CHRNA3: variants seen among roughly 807,000 people sequenced by gnomAD.
The protein encoded by CHRNA3 is cholinergic receptor nicotinic alpha 3 subunit, also known as neuronal acetylcholine receptor subunit alpha-3.
CHRNA3 carries 34 observed loss-of-function variants against 41.9 expected under a neutral mutation model. The ratio of observed to expected loss-of-function variants is 0.81; its 90% CI spans 0.62 to 1.08. CHRNA3 has a LOEUF of 1.08. Among genes scored for constraint, CHRNA3 ranks in the 50% least tolerant of loss-of-function variants. The pLI, the probability that CHRNA3 is intolerant of heterozygous loss-of-function variation, is 0.00. For missense variants in CHRNA3, 542 were observed against 638.3 expected, an observed-to-expected ratio of 0.85 and a Z score of 1.63; for synonymous variants, 281 against 265.2, an observed-to-expected ratio of 1.06 and a Z score of -0.58.
chr15:78,618,473 G>A, intron 3 of CHRNA3, 144 bp downstream of exon 3: 1 of 876,912 alleles, frequency 1.1e-6, no homozygotes, highest in Non-Finnish European at 1.8e-6. Context: ...AGCCTTAGAA[G>A]AGATATATCT....
chr15:78,595,959 C>T lies in CHRNA3; in HGVS notation c.*645G>A. Reference sequence around the variant, plus strand: ...GGTGCCTTGACCTTGGACCTCCCAACCTCCAAAACTGAGAAGTTTCTGTTG... The same window carrying T: ...GGTGCCTTGACCTTGGACCTCCCAATCTCCAAAACTGAGAAGTTTCTGTTG... On this transcript the variant is annotated 3_prime_UTR_variant, in exon 6 of 6. Coordinates refer to ENST00000326828, the MANE Select transcript of CHRNA3 (RefSeq NM_000743.5). The T allele has an allele frequency of 1.3e-6, 1 of 784,338 alleles. No individual in the cohort carries two copies. Among genetic ancestry groups the T allele is most frequent in the Non-Finnish European group, 1.5e-6 (1 of 647,538 alleles). 48.6% of individuals were successfully genotyped at this position (784,338 alleles called of 1,614,324 possible).
chr15:78,599,797 C>T (rs80194307), intron 5 of CHRNA3: 1 of 48,666 alleles, frequency 2.1e-5, no homozygotes, highest in African/African-American at 8.9e-5. Context: ...GGGCAGATCA[C>T]CTGAGGTCGG....
At chr15:78,605,680 C>T (rs887909949) in intron 4 of CHRNA3, among the ~76,000 whole-genome samples, 40 of 152,142 alleles carry the variant, frequency 2.6e-4, no homozygotes, top group Admixed American at 1.3e-4. Flanking sequence ...TCAGAAATGC[C>T]TCCCAAAACC....
At chr15:78,611,046 C>T (rs2053372234) in intron 4 of CHRNA3, among the ~76,000 whole-genome samples, 1 of 151,966 alleles carries the variant, frequency 6.6e-6, no homozygotes, top group South Asian at 2.1e-4. Context: ...CTGAATAGAC[C>T]AATAACAGGA....
At position 78,615,141 on chromosome 15, in the gene CHRNA3, C is replaced by T. The variant is rs540916470; in HGVS notation, c.377+1883G>A. Reference sequence around the variant, plus strand: ...TACGACCTGGATGCAGCCACCCAGACGGGCTGGGAGCACGGGGCCCAGAAT... The same window carrying T: ...TACGACCTGGATGCAGCCACCCAGATGGGCTGGGAGCACGGGGCCCAGAAT... On this transcript the variant is annotated intron_variant, in intron 4 of 5. Transcript: ENST00000326828. 7.0e-4 allele frequency among the ~76,000 whole-genome samples: 107 copies of T among 152,280 alleles called. 1 individual carries two copies. Among genetic ancestry groups the T allele is most frequent in the African/African-American group, 2.2e-3 (93 of 41,556 alleles).
At position 78,596,067 on chromosome 15, in the gene CHRNA3, T is replaced by G. The variant is rs1420773514; in HGVS notation, c.*537A>C. 1.4e-4 allele frequency: 136 copies of G among 984,630 alleles called. No homozygotes were observed. In the Admixed American group the frequency reaches 8.2e-3, roughly 60 times the overall value. 61.0% of individuals were successfully genotyped at this position (984,630 alleles called of 1,614,324 possible). ...AGGCATGATTTCTCATGGTATAATTTAGAAGTATGCAAGAGAAGTAGTTGA... is the reference window on the plus strand; with the variant it reads ...AGGCATGATTTCTCATGGTATAATTGAGAAGTATGCAAGAGAAGTAGTTGA... On this transcript the variant is annotated 3_prime_UTR_variant, in exon 6 of 6. Coordinates refer to ENST00000326828, the MANE Select transcript of CHRNA3 (RefSeq NM_000743.5).
chr15:78,616,341 A>G (rs2053460217), intron 4 of CHRNA3, among the ~76,000 whole-genome samples: 1 of 140,790 alleles, frequency 7.1e-6, no homozygotes. Context: ...TGACAGTAAG[A>G]CTCAGTCTTC....
rs978358471 is a variant in CHRNA3, at chr15:78,595,923, C to G, written c.*681G>C. ...TGAGGAAGAGGACCCTCACCAGACA[C>G]CAAATTTGCTGGTGCCTTGACCTTG... On this transcript the variant is annotated 3_prime_UTR_variant, in exon 6 of 6. Coordinates refer to ENST00000326828, the MANE Select transcript of CHRNA3 (RefSeq NM_000743.5). 1 of 338,628 alleles carries G rather than the reference C, an allele frequency of 3.0e-6. No individual in the cohort carries two copies. The highest frequency in any genetic ancestry group is 4.2e-6 in the Non-Finnish European group (1 of 239,720). The allele number at this position is 338,628 out of a possible 1,614,324, so 21.0% of individuals were successfully genotyped here.
rs8192481 is a variant in CHRNA3, at chr15:78,602,066, G to A, written c.576C>T (p.Ile192=). The A allele has an allele frequency of 4.7e-4, 760 of 1,614,162 alleles. No individual in the cohort carries two copies. Among genetic ancestry groups the A allele is most frequent in the Admixed American group, 1.1e-3 (67 of 60,016 alleles). ...AGTCCTTGAGGTTCATGGAAGAGCC[G>A]ATCAGGACCAGATCGATTTTCGCCT... ...YDKAKIDLVL[I]GSSMNLKDYW... The change falls in exon 5 of 6, where the codon ATC becomes ATT. Residue 192 remains isoleucine, a synonymous_variant. Transcript: ENST00000326828.
At chr15:78,609,203 A>G (rs905981659) in intron 4 of CHRNA3, among the ~76,000 whole-genome samples, 2 of 152,322 alleles carry the variant, frequency 1.3e-5, no homozygotes, top group East Asian at 1.9e-4. Context: ...GCAGGCCAAC[A>G]TTCAGATTCA....
In CHRNA3 at chr15:78,596,034, G is replaced by T; in HGVS notation, c.*570C>A. ...GTACTAAGACAGTTATATTAACAAT[G>T]AATAACTAGGCATGATTTCTCATGG... On this transcript the variant is annotated 3_prime_UTR_variant, in exon 6 of 6. Coordinates refer to ENST00000326828, the MANE Select transcript of CHRNA3 (RefSeq NM_000743.5). 1.0e-6 allele frequency: 1 copy of T among 968,402 alleles called. No individual in the cohort carries two copies. Among genetic ancestry groups the T allele is most frequent in the Non-Finnish European group, 1.2e-6 (1 of 814,628 alleles). The allele number at this position is 968,402 out of a possible 1,614,324, so 60.0% of individuals were successfully genotyped here. A position where few individuals can be genotyped will look rare whatever the true frequency, so the allele number is the denominator to read the frequency against.
At chr15:78,597,162 C>A (rs758176107) in intron 5 of CHRNA3, among the ~76,000 whole-genome samples, 9 of 152,190 alleles carry the variant, frequency 5.9e-5, no homozygotes, top group Non-Finnish European at 1.2e-4. Flanking sequence ...CGCAGTGGCT[C>A]ACGCCTGTAA....
At chr15:78,597,489 C>T (rs1424217148) in intron 5 of CHRNA3, among the ~76,000 whole-genome samples, 2 of 152,054 alleles carry the variant, frequency 1.3e-5, no homozygotes, top group Non-Finnish European at 1.5e-5. Context: ...TAAGCGTTAT[C>T]AGGGCAAGTC....
chr15:78,608,711 A>G (rs2053336694), intron 4 of CHRNA3, among the ~76,000 whole-genome samples: 2 of 152,070 alleles, frequency 1.3e-5, no homozygotes. Context: ...CTCACCAGCA[A>G]TGGAACAAAG....
intron 4 of CHRNA3, among the ~76,000 whole-genome samples, chr15:78,606,571 T>G (rs923280407): frequency 6.6e-5 from 10 of 151,800 alleles, no homozygotes; most frequent in Admixed American, 4.6e-4. Context: ...TAGGAAAGAA[T>G]TAGGAAAAAG....
chr15:78,599,575 G>A (rs1490793289), intron 5 of CHRNA3, among the ~76,000 whole-genome samples: 1 of 151,366 alleles, frequency 6.6e-6, no homozygotes, highest in Admixed American at 6.6e-5. Flanking sequence ...GCCCAGCAGA[G>A]CCTGGCTAAA....
chr15:78,619,167 G>A (rs2053512071), intron 1 of CHRNA3: 2 of 548,482 alleles, frequency 3.6e-6, no homozygotes, highest in South Asian at 2.2e-5. Flanking sequence ...CTCTGGAGTT[G>A]GACAGATCTG....
chr15:78,611,734 G>A (rs1472367161), intron 4 of CHRNA3, among the ~76,000 whole-genome samples: 1 of 151,728 alleles, frequency 6.6e-6, no homozygotes, highest in African/African-American at 2.4e-5. Context: ...AATTAGGCAG[G>A]AGAAGGAAAT....
intron 4 of CHRNA3, among the ~76,000 whole-genome samples, chr15:78,613,756 GCAAA>G (rs1190720883): frequency 3.5e-5 from 3 of 84,668 alleles, no homozygotes; most frequent in Admixed American, 3.4e-4. Context: ...TAAAGCAGTG[GCAAA>G]CAAACAAAAA....
Sources: allele counts gnomAD v4.1 joint callset (sites outside exome capture counted in the v4.1 genomes callset), GRCh38; gene constraint gnomAD v4.1.1; transcripts MANE v1.5; gene names NCBI Gene and HGNC (gene_info 2026-07-23, HGNC 2026-07-21).